Variants in SOX5 observed in about 807,000 individuals in gnomAD.
SOX5 encodes the protein SRY-box transcription factor 5, also known as transcription factor SOX-5.
In SOX5, 9 loss-of-function variants were observed where a neutral mutation model predicts 92.0. The ratio of observed to expected loss-of-function variants is 0.10; its 90% CI spans 0.06 to 0.17. The LOEUF is 0.17. SOX5 is among the 10% of genes least tolerant of loss of function. The pLI, the probability that SOX5 is intolerant of heterozygous loss-of-function variation, is 1.00. For missense variants in SOX5, 642 were observed against 944.5 expected (o/e 0.68, Z 4.20); for synonymous variants, 344 against 336.3 (o/e 1.02, Z -0.25).
intron 10 of SOX5, among the ~76,000 whole-genome samples, chr12:23,570,510 A>T (rs1024084997): frequency 6.6e-6 from 1 of 151,802 alleles, no homozygotes; most frequent in East Asian, 1.9e-4. Flanking sequence ...GGGCATGGTG[A>T]CTCATACCTG....
chr12:24,433,516 G>A (rs866714643), intron 1 of SOX5, among the ~76,000 whole-genome samples: 1 of 152,130 alleles, frequency 6.6e-6, no homozygotes, highest in Non-Finnish European at 1.5e-5. Flanking sequence ...AAAGGTAATG[G>A]TATGGTAATT....
At chr12:24,415,390 C>G (rs1249104428) in intron 1 of SOX5, among the ~76,000 whole-genome samples, 2 of 152,156 alleles carry the variant, frequency 1.3e-5, no homozygotes, top group African/African-American at 4.8e-5. Flanking sequence ...TAATTGACAT[C>G]TAGTTTGAAT....
chr12:24,011,950 A>G (rs1313351419), intron 4 of SOX5, among the ~76,000 whole-genome samples: 1 of 152,202 alleles, frequency 6.6e-6, no homozygotes, highest in Non-Finnish European at 1.5e-5. Flanking sequence ...GGTTAAACTG[A>G]GATATCTGAT....
intron 3 of SOX5, among the ~76,000 whole-genome samples, chr12:23,845,752 T>C (rs1197332996): frequency 6.6e-6 from 1 of 152,162 alleles, no homozygotes; most frequent in African/African-American, 2.4e-5. Flanking sequence ...ATGCAACTAA[T>C]TTACTCATAT....
chr12:24,049,724 T>C (rs980940402), intron 4 of SOX5, among the ~76,000 whole-genome samples: 1 of 141,126 alleles, frequency 7.1e-6, no homozygotes, highest in African/African-American at 2.6e-5. Flanking sequence ...AGCAGATTTA[T>C]GAAGGACCAG....
chr12:24,345,097 T>C (rs1953073936), intron 2 of SOX5, among the ~76,000 whole-genome samples: 1 of 152,186 alleles, frequency 6.6e-6, no homozygotes, highest in African/African-American at 2.4e-5. Flanking sequence ...GTCATACTCC[T>C]GAGGATATAT....
chr12:23,793,665 C>T (rs1304292226), intron 3 of SOX5, among the ~76,000 whole-genome samples: 3 of 152,108 alleles, frequency 2.0e-5, no homozygotes, highest in African/African-American at 7.2e-5. Context: ...CTCTAAGAAG[C>T]CAGGTTCCGA....
chr12:23,667,132 C>T (rs1019524820), intron 6 of SOX5, among the ~76,000 whole-genome samples: 6 of 151,300 alleles, frequency 4.0e-5, no homozygotes, highest in African/African-American at 1.5e-4. Flanking sequence ...GTGGTGGGGG[C>T]GGCAGAGAGA....
rs553822193 is a variant in SOX5, at chr12:23,661,111, T to C, written c.931+4333A>G. Among the ~76,000 whole-genome samples the C allele has an allele frequency of 3.2e-3, 484 of 152,336 alleles. 3 individuals carry two copies. The highest frequency in any genetic ancestry group is 0.011 in the African/African-American group (440 of 41,572). On this transcript the variant is annotated intron_variant, in intron 7 of 14. Transcript: ENST00000451604. ...TATGATCAAGCCAGCTCTTTTATAATTGTTTGTTTTATACTGCATATAGTA... is the reference window on the plus strand; with the variant it reads ...TATGATCAAGCCAGCTCTTTTATAACTGTTTGTTTTATACTGCATATAGTA...
chr12:23,563,009 A>G (rs962928593), intron 11 of SOX5, among the ~76,000 whole-genome samples: 2 of 152,190 alleles, frequency 1.3e-5, no homozygotes, highest in Non-Finnish European at 2.9e-5. Flanking sequence ...GTTTTAATAC[A>G]AGCTGGTGGC....
At chr12:24,010,505 A>G (rs542262972) in intron 4 of SOX5, among the ~76,000 whole-genome samples, 24 of 152,356 alleles carry the variant, frequency 1.6e-4, no homozygotes, top group Admixed American at 3.3e-4. Flanking sequence ...CCTAAATTGC[A>G]CATACAAGAG....
At chr12:24,309,297 T>C (rs12425506) in intron 2 of SOX5, among the ~76,000 whole-genome samples, 11,326 of 152,312 alleles carry the variant, frequency 0.074, 562 homozygotes, top group Middle Eastern at 0.15. Flanking sequence ...ATTGTCAATT[T>C]GCATCTTTGA....
intron 4 of SOX5, among the ~76,000 whole-genome samples, chr12:24,070,795 G>A (rs1034686940): frequency 4.6e-5 from 7 of 152,204 alleles, no homozygotes; most frequent in South Asian, 2.1e-4. Context: ...CTGCATATCC[G>A]TTTATGTAAT....
intron 1 of SOX5, among the ~76,000 whole-genome samples, chr12:24,398,902 C>T (rs1004621005): frequency 4.6e-5 from 7 of 152,102 alleles, no homozygotes; most frequent in East Asian, 1.9e-4. Context: ...ACCATGACCT[C>T]GGGCTCCACA....
intron 1 of SOX5, among the ~76,000 whole-genome samples, chr12:24,379,736 T>C (rs557056217): frequency 6.6e-6 from 1 of 152,182 alleles, no homozygotes; most frequent in Admixed American, 6.5e-5. Context: ...ATTCCTGTCC[T>C]TTCCCCTCCT....
intron 1 of SOX5, among the ~76,000 whole-genome samples, chr12:23,906,610 G>A (rs1239097149): frequency 6.6e-6 from 1 of 152,226 alleles, no homozygotes; most frequent in African/African-American, 2.4e-5. Flanking sequence ...AAGCTAAGCA[G>A]AGTAGCCACA....
intron 8 of SOX5, among the ~76,000 whole-genome samples, chr12:23,637,093 C>A (rs189690614): frequency 2.6e-5 from 4 of 152,230 alleles, no homozygotes; most frequent in African/African-American, 9.6e-5. Flanking sequence ...ATTATGTTTG[C>A]ACCCAAGGAA....
intron 1 of SOX5, among the ~76,000 whole-genome samples, chr12:24,556,910 A>G (rs567199964): frequency 1.3e-5 from 2 of 152,358 alleles, no homozygotes; most frequent in Admixed American, 6.5e-5. Flanking sequence ...CAAAGTAAGT[A>G]CAAAATGAAA....
intron 1 of SOX5, among the ~76,000 whole-genome samples, chr12:24,512,679 T>C (rs946639941): frequency 6.6e-6 from 1 of 152,210 alleles, no homozygotes; most frequent in Admixed American, 6.5e-5. Context: ...CAGAATCACC[T>C]TGGGCAAGTC....
Sources: allele counts gnomAD v4.1 joint callset (sites outside exome capture counted in the v4.1 genomes callset), GRCh38; gene constraint gnomAD v4.1.1; transcripts MANE v1.5; gene names NCBI Gene and HGNC (gene_info 2026-07-23, HGNC 2026-07-21).